The following DLGAP1 variants were observed in gnomAD, a reference collection of about 807,000 sequenced individuals.
The protein encoded by DLGAP1 is disks large-associated protein 1.
In DLGAP1, 11 loss-of-function variants were observed where a neutral mutation model predicts 90.8. That is an observed-to-expected ratio of 0.12 (90% CI 0.08 to 0.20). DLGAP1 has a LOEUF of 0.20. Among genes scored for constraint, DLGAP1 ranks in the 10% least tolerant of loss-of-function variants. The probability of loss-of-function intolerance (pLI) is 1.00; values close to 1 mark genes in which losing one functional copy is unlikely to be tolerated. For synonymous variants in DLGAP1, 558 were observed against 540.7 expected, an observed-to-expected ratio of 1.03 and a Z score of -0.44; for missense variants, 1,050 against 1,333.8, an observed-to-expected ratio of 0.79 and a Z score of 3.31.
At chr18:3,909,336 G>T (rs8084946) in intron 3 of DLGAP1, among the ~76,000 whole-genome samples, 1 of 151,840 alleles carries the variant, frequency 6.6e-6, no homozygotes, top group Non-Finnish European at 1.5e-5. Context: ...AAACAAAGTG[G>T]TTAAAGTTAA....
At chr18:3,543,009 G>A (rs2052779599) in intron 9 of DLGAP1, among the ~76,000 whole-genome samples, 2 of 152,180 alleles carry the variant, frequency 1.3e-5, no homozygotes, top group African/African-American at 4.8e-5. Flanking sequence ...CAACCCTAAA[G>A]TTGAGGAAAC....
rs377606173 is a variant in DLGAP1, at chr18:4,439,990, G to A, written c.-267+15016C>T. On this transcript the variant is annotated intron_variant, in intron 1 of 12. Coordinates refer to ENST00000315677, the MANE Select transcript of DLGAP1 (RefSeq NM_004746.4). ...AAAAAATTAGCCAGGCGTGGTGGCA[G>A]GTGCCTGTTGTCTCAGCTACTCGGG... Among the ~76,000 whole-genome samples the A allele has an allele frequency of 4.0e-4, 60 of 151,394 alleles. 2 individuals are homozygous for A. The East Asian group carries it at 0.01, about 26-fold the overall frequency.
intron 9 of DLGAP1, among the ~76,000 whole-genome samples, chr18:3,544,719 T>TTTATTTA (rs1555674763): frequency 7.0e-6 from 1 of 143,108 alleles, no homozygotes; most frequent in African/African-American, 2.6e-5. Flanking sequence ...TGTACTTTGC[T>TTTATTTA]TTTATTTATT....
intron 5 of DLGAP1, among the ~76,000 whole-genome samples, chr18:3,763,942 G>A (rs149356128): frequency 2.5e-4 from 38 of 152,206 alleles, no homozygotes; most frequent in African/African-American, 7.5e-4. Flanking sequence ...GATTACAGGC[G>A]TGCAGCACTG....
intron 2 of DLGAP1, among the ~76,000 whole-genome samples, chr18:4,108,780 T>C (rs1166846314): frequency 6.6e-6 from 1 of 152,138 alleles, no homozygotes; most frequent in Admixed American, 6.5e-5. Context: ...CAGACACATC[T>C]GGGGTTTGGT....
chr18:3,587,745 G>A (rs955803072), intron 7 of DLGAP1, among the ~76,000 whole-genome samples: 1 of 152,004 alleles, frequency 6.6e-6, no homozygotes, highest in Non-Finnish European at 1.5e-5. Context: ...TGAAGTCAGC[G>A]AGACCACTAA....
At chr18:3,794,823 T>C (rs1445472369) in intron 5 of DLGAP1, among the ~76,000 whole-genome samples, 2 of 152,204 alleles carry the variant, frequency 1.3e-5, no homozygotes, top group African/African-American at 4.8e-5. Flanking sequence ...GCACATAGGA[T>C]CTGGCTAATC....
At chr18:3,779,330 C>T (rs1395687918) in intron 5 of DLGAP1, among the ~76,000 whole-genome samples, 1 of 152,176 alleles carries the variant, frequency 6.6e-6, no homozygotes, top group Non-Finnish European at 1.5e-5. Context: ...CCCACCTTGG[C>T]CTCCCAAAGT....
intron 9 of DLGAP1, among the ~76,000 whole-genome samples, chr18:3,543,826 A>G (rs1228670827): frequency 6.6e-6 from 1 of 152,120 alleles, no homozygotes; most frequent in Middle Eastern, 3.2e-3. Flanking sequence ...TAGGGGTACG[A>G]GGAGGACAAG....
At chr18:4,146,010 T>C (rs1021266701) in intron 2 of DLGAP1, among the ~76,000 whole-genome samples, 14 of 152,204 alleles carry the variant, frequency 9.2e-5, no homozygotes, top group African/African-American at 3.4e-4. Context: ...CACTAGCCTT[T>C]CAGTCTCAGA....
chr18:4,168,104 GA>G (rs1264657722), intron 1 of DLGAP1, among the ~76,000 whole-genome samples: 1 of 152,112 alleles, frequency 6.6e-6, no homozygotes, highest in Non-Finnish European at 1.5e-5. Context: ...AATGTATATG[GA>G]AATAAACAGG....
intron 1 of DLGAP1, among the ~76,000 whole-genome samples, chr18:4,229,797 G>A (rs1271475580): frequency 1.3e-5 from 2 of 151,996 alleles, no homozygotes. Flanking sequence ...GGACAGATGG[G>A]ATTACATCAA....
chr18:3,524,086 T>C (rs2051442829), intron 10 of DLGAP1, among the ~76,000 whole-genome samples: 1 of 152,030 alleles, frequency 6.6e-6, no homozygotes, highest in Non-Finnish European at 1.5e-5. Flanking sequence ...CCAGGCAACA[T>C]AGTGAGATCT....
At chr18:4,201,106 C>G (rs1394307730) in intron 1 of DLGAP1, among the ~76,000 whole-genome samples, 2 of 149,340 alleles carry the variant, frequency 1.3e-5, no homozygotes, top group Non-Finnish European at 2.9e-5. Context: ...GGTTGTCTTT[C>G]TGTTGACGAC....
At chr18:3,583,683 C>A (rs1290030730) in intron 7 of DLGAP1, among the ~76,000 whole-genome samples, 1 of 152,188 alleles carries the variant, frequency 6.6e-6, no homozygotes, top group Non-Finnish European at 1.5e-5. Context: ...TGTGGTGGCT[C>A]TCGCCTGTAA....
At chr18:3,790,152 C>G (rs1280778500) in intron 5 of DLGAP1, among the ~76,000 whole-genome samples, 1 of 152,110 alleles carries the variant, frequency 6.6e-6, no homozygotes, top group Non-Finnish European at 1.5e-5. Context: ...TTAGAATGAC[C>G]TTCTTTCTCT....
intron 1 of DLGAP1, among the ~76,000 whole-genome samples, chr18:4,172,548 T>C (rs756841952): frequency 4.6e-5 from 7 of 152,210 alleles, no homozygotes; most frequent in Admixed American, 1.3e-4. Context: ...ATTCCAGTTA[T>C]TTCAAAGCTG....
intron 2 of DLGAP1, among the ~76,000 whole-genome samples, chr18:4,060,728 A>T (rs2075286783): frequency 6.6e-6 from 1 of 152,218 alleles, no homozygotes; most frequent in South Asian, 2.1e-4. Context: ...ATTTCTCGTA[A>T]GGAAGATTAT....
At chr18:4,151,499 A>G (rs1242476571) in intron 1 of DLGAP1, among the ~76,000 whole-genome samples, 1 of 152,238 alleles carries the variant, frequency 6.6e-6, no homozygotes, top group African/African-American at 2.4e-5. Context: ...CACCCAGAAA[A>G]AAAACAATGT....
Sources: allele counts gnomAD v4.1 joint callset (sites outside exome capture counted in the v4.1 genomes callset), GRCh38; gene constraint gnomAD v4.1.1; transcripts MANE v1.5; gene names NCBI Gene and HGNC (gene_info 2026-07-23, HGNC 2026-07-21).